FMNL2: variants seen among roughly 807,000 people sequenced by gnomAD.
The protein encoded by FMNL2 is formin like 2, also known as formin-like protein 2.
A neutral mutation model predicts 130.2 loss-of-function variants in FMNL2; 51 were observed. The ratio of observed to expected loss-of-function variants is 0.39; its 90% CI spans 0.31 to 0.49. The LOEUF (loss-of-function observed/expected upper bound fraction) is 0.49. FMNL2 is among the 20% of genes least tolerant of loss of function. The pLI, the probability that FMNL2 is intolerant of heterozygous loss-of-function variation, is 0.85. For missense variants in FMNL2, 977 were observed against 1,316.2 expected, an observed-to-expected ratio of 0.74 and a Z score of 3.99; for synonymous variants, 465 against 467.1, an observed-to-expected ratio of 1.00 and a Z score of 0.06.
chr2:152,590,150 T>G (rs1475541315), intron 9 of FMNL2, among the ~76,000 whole-genome samples: 9 of 150,636 alleles, frequency 6.0e-5, no homozygotes, highest in Non-Finnish European at 1.2e-4. Flanking sequence ...CCTCTCAGAG[T>G]TCTAGGATTA....
chr2:152,423,780 T>C (rs1169033099), intron 1 of FMNL2, among the ~76,000 whole-genome samples: 1 of 151,328 alleles, frequency 6.6e-6, no homozygotes, highest in Non-Finnish European at 1.5e-5. Flanking sequence ...CCTGAGGGAG[T>C]TGGGGGTTGG....
At chr2:152,512,736 A>G (rs1270931981) in intron 1 of FMNL2, among the ~76,000 whole-genome samples, 1 of 152,176 alleles carries the variant, frequency 6.6e-6, no homozygotes, top group Non-Finnish European at 1.5e-5. Flanking sequence ...TAAAAAATGG[A>G]TAATTTTCTA....
chr2:152,367,812 T>C (rs1053859196), intron 1 of FMNL2, among the ~76,000 whole-genome samples: 2 of 152,214 alleles, frequency 1.3e-5, no homozygotes. Context: ...TGGGCAAGCT[T>C]CCTCATCAGT....
intron 2 of FMNL2, among the ~76,000 whole-genome samples, chr2:152,537,956 C>G (rs979060606): frequency 6.6e-6 from 1 of 152,156 alleles, no homozygotes; most frequent in African/African-American, 2.4e-5. Flanking sequence ...TCAGTTCCCT[C>G]ATCTGCAAAA....
At chr2:152,600,800 C>T (rs1040248914) in intron 9 of FMNL2, among the ~76,000 whole-genome samples, 1 of 151,174 alleles carries the variant, frequency 6.6e-6, no homozygotes, top group African/African-American at 2.4e-5. Flanking sequence ...TCTTGCTTGT[C>T]CTGGGAGTGG....
chr2:152,352,812 A>G (rs1682576737), intron 1 of FMNL2, among the ~76,000 whole-genome samples: 1 of 150,966 alleles, frequency 6.6e-6, no homozygotes, highest in African/African-American at 2.4e-5. Context: ...AAATGCCCCT[A>G]GTAAAATGGC....
intron 25 of FMNL2, among the ~76,000 whole-genome samples, chr2:152,644,942 G>GAA (rs950382996): frequency 1.3e-5 from 2 of 152,170 alleles, no homozygotes; most frequent in Admixed American, 6.5e-5. Context: ...AGAGACAAGG[G>GAA]AAACACATAC....
intron 9 of FMNL2, among the ~76,000 whole-genome samples, chr2:152,601,671 C>CTTTCTT: frequency 9.7e-6 from 1 of 103,494 alleles, no homozygotes. Flanking sequence ...TCTTTTCTTT[C>CTTTCTT]TTTTTTTTTT....
chr2:152,537,746 C>G (rs1050198737), intron 2 of FMNL2, among the ~76,000 whole-genome samples: 7 of 152,126 alleles, frequency 4.6e-5, no homozygotes, highest in African/African-American at 1.7e-4. Flanking sequence ...GAACATGTTT[C>G]CACCCTTTAA....
In FMNL2 at chr2:152,560,768, A is replaced by G. The variant is rs147639182; in HGVS notation, c.444-115A>G. On this transcript the variant is annotated intron_variant, in intron 5 of 25. Transcript: ENST00000288670. ...TCCTTTCCAGTTTTCTTTGTTTACAAAGACTTTCCATACTAAGGTGCAGAT... is the reference window on the plus strand; with the variant it reads ...TCCTTTCCAGTTTTCTTTGTTTACAGAGACTTTCCATACTAAGGTGCAGAT... 159 of 941,538 alleles carry G rather than the reference A, an allele frequency of 1.7e-4. No individual in the cohort carries two copies. In the African/African-American group the frequency reaches 2.2e-3, roughly 13 times the overall value. The allele number at this position is 941,538 out of a possible 1,614,324, so 58.3% of individuals were successfully genotyped here. A position where few individuals can be genotyped will look rare whatever the true frequency, so the allele number is the denominator to read the frequency against.
intron 1 of FMNL2, among the ~76,000 whole-genome samples, chr2:152,502,724 A>G (rs372619187): frequency 4.6e-5 from 7 of 152,242 alleles, no homozygotes; most frequent in African/African-American, 1.4e-4. Flanking sequence ...CAAAATAAGT[A>G]CCATCTTTAT....
At chr2:152,478,804 C>T (rs1690313273) in intron 1 of FMNL2, among the ~76,000 whole-genome samples, 1 of 151,832 alleles carries the variant, frequency 6.6e-6, no homozygotes, top group Admixed American at 6.6e-5. Context: ...ATTATAAAGA[C>T]AAAGATGAGT....
chr2:152,648,091 A>G lies in FMNL2; in HGVS notation c.*186A>G, dbSNP rs1683776858. The G allele has an allele frequency of 1.2e-5, 7 of 572,138 alleles. No homozygotes were observed. Among genetic ancestry groups the G allele is most frequent in the Non-Finnish European group, 6.1e-6 (2 of 325,982 alleles). 35.4% of individuals were successfully genotyped at this position (572,138 alleles called of 1,614,324 possible). A position where few individuals can be genotyped will look rare whatever the true frequency, so the allele number is the denominator to read the frequency against. The stretch of plus-strand genomic sequence containing the variant: ...CAACCCTTGTTAACAAGTGCCTAAA[A>G]ATGGAAGTACCTGTTCAGATTAATC... On this transcript the variant is annotated 3_prime_UTR_variant, in exon 26 of 26. Coordinates refer to ENST00000288670, the MANE Select transcript of FMNL2 (RefSeq NM_052905.4).
At chr2:152,622,578 T>C (rs1057361991) in intron 15 of FMNL2, 2 of 456,558 alleles carry the variant, frequency 4.4e-6, no homozygotes, top group African/African-American at 2.0e-5. Context: ...CCTCACTGAG[T>C]GTGTTGAGTA....
chr2:152,582,287 C>G (rs901857128), intron 9 of FMNL2, among the ~76,000 whole-genome samples: 2 of 152,152 alleles, frequency 1.3e-5, no homozygotes, highest in Non-Finnish European at 2.9e-5. Context: ...CTCCTACCTC[C>G]TTAATTGGAT....
chr2:152,637,491 T>C (rs1268061421), intron 22 of FMNL2, 82 bp from the exon 23 acceptor site: 1 of 1,077,600 alleles, frequency 9.3e-7, no homozygotes. Context: ...TTGTGGCTGC[T>C]GCTTTGCATC....
intron 1 of FMNL2, among the ~76,000 whole-genome samples, chr2:152,507,965 T>C (rs1692265665): frequency 6.6e-6 from 1 of 152,224 alleles, no homozygotes; most frequent in Non-Finnish European, 1.5e-5. Flanking sequence ...TTCAGAGTCA[T>C]TAAAGAAAGA....
intron 1 of FMNL2, among the ~76,000 whole-genome samples, chr2:152,346,251 C>T (rs1168607567): frequency 1.3e-5 from 2 of 152,064 alleles, no homozygotes; most frequent in Non-Finnish European, 2.9e-5. Context: ...TCTTGAACTC[C>T]CAACCTCAGG....
chr2:152,641,134 C>A (rs1267469947), intron 25 of FMNL2, among the ~76,000 whole-genome samples: 1 of 152,172 alleles, frequency 6.6e-6, no homozygotes, highest in African/African-American at 2.4e-5. Flanking sequence ...TTCAGCAGAG[C>A]TCCTTCATTT....
Sources: gnomAD v4.1 joint callset for allele counts (sites outside exome capture counted in the v4.1 genomes callset) on GRCh38, gnomAD v4.1.1 for gene constraint, MANE v1.5 for transcripts, NCBI Gene and HGNC (gene_info 2026-07-23, HGNC 2026-07-21) for gene names.